The following SUGCT variants were observed in gnomAD, a reference collection of about 807,000 sequenced individuals.
SUGCT encodes succinyl-CoA:glutarate-CoA transferase, also known as succinyl-CoA:glutarate CoA-transferase.
In SUGCT, 41 loss-of-function variants were observed where a neutral mutation model predicts 55.0. That is an observed-to-expected ratio of 0.74 (90% confidence interval 0.58 to 0.97). The LOEUF is 0.97. SUGCT is among the 50% of genes least tolerant of loss of function. The probability of loss-of-function intolerance (pLI) is 0.00; values close to 1 mark genes in which losing one functional copy is unlikely to be tolerated. For synonymous variants in SUGCT, 187 were observed against 200.4 expected (o/e 0.93, Z 0.56); for missense variants, 568 against 547.8 (o/e 1.04, Z -0.37).
intron 11 of SUGCT, among the ~76,000 whole-genome samples, chr7:40,489,400 G>A (rs1327515100): frequency 6.6e-6 from 1 of 152,010 alleles, no homozygotes; most frequent in Non-Finnish European, 1.5e-5. Flanking sequence ...GCTATTTTGG[G>A]CCAGGCGTGG....
intron 9 of SUGCT, among the ~76,000 whole-genome samples, chr7:40,334,665 T>G (rs1448948404): frequency 6.6e-6 from 1 of 152,238 alleles, no homozygotes; most frequent in South Asian, 2.1e-4. Flanking sequence ...CTTTGTCAGA[T>G]GAGTAGATTG....
intron 11 of SUGCT, 66 bp from the exon 12 acceptor site, chr7:40,496,218 C>T (rs924834391): frequency 2.0e-6 from 2 of 984,586 alleles, no homozygotes; most frequent in Admixed American, 4.1e-5. Flanking sequence ...AAGAGGGCCA[C>T]ATGATAGAAG....
chr7:40,825,272 T>TA (rs1361448122), intron 13 of SUGCT, among the ~76,000 whole-genome samples: 4 of 152,136 alleles, frequency 2.6e-5, no homozygotes, highest in Non-Finnish European at 5.9e-5. Context: ...TTGATGAACA[T>TA]ATGGCATTGT....
intron 12 of SUGCT, among the ~76,000 whole-genome samples, chr7:40,523,930 G>A (rs2151580422): frequency 6.6e-6 from 1 of 151,982 alleles, no homozygotes; most frequent in East Asian, 1.9e-4. Flanking sequence ...TGATTTCATG[G>A]ATCTATTATA....
intron 9 of SUGCT, among the ~76,000 whole-genome samples, chr7:40,419,885 G>A (rs1787214453): frequency 6.6e-6 from 1 of 152,222 alleles, no homozygotes; most frequent in South Asian, 2.1e-4. Flanking sequence ...TAAGCAGCTT[G>A]CATGTATTGT....
chr7:40,187,120 T>C (rs1013712489), intron 3 of SUGCT, among the ~76,000 whole-genome samples: 5 of 152,014 alleles, frequency 3.3e-5, no homozygotes, highest in African/African-American at 1.2e-4. Context: ...AAATGATGAG[T>C]TCATGTCCTT....
chr7:40,966,869 G>A, the SUGCT span: 1 of 152,314 alleles, frequency 6.6e-6, no homozygotes, highest in Middle Eastern at 3.4e-3. Flanking sequence ...TGAAAGAGCT[G>A]AAAGAAACAG....
intron 1 of SUGCT, among the ~76,000 whole-genome samples, chr7:40,138,684 T>G (rs1363331152): frequency 6.6e-6 from 1 of 152,118 alleles, no homozygotes; most frequent in Admixed American, 6.6e-5. Context: ...GTCTTTTTAA[T>G]AGCCATTCTG....
rs573034478 is a variant in SUGCT, at chr7:40,601,381, A to T, written c.1089+104995A>T. On this transcript the variant is annotated intron_variant, in intron 12 of 13. Coordinates refer to ENST00000335693, the MANE Select transcript of SUGCT (RefSeq NM_001193313.2). ...GTTCCCCTGTGGACTGTAACCGTCA[A>T]GAACACATGTCCTTGCCACAAATCT... Among the ~76,000 whole-genome samples the T allele has an allele frequency of 2.2e-4, 33 of 152,358 alleles. No homozygotes were observed. In the South Asian group the frequency reaches 2.9e-3, roughly 13 times the overall value.
chr7:41,002,955 G>T, the SUGCT span, among the ~76,000 whole-genome samples: 3,862 of 152,034 alleles, frequency 0.025, 160 homozygotes, highest in South Asian at 0.18. Flanking sequence ...ACAGTGCCCT[G>T]CCCATAGGAG....
the SUGCT span, among the ~76,000 whole-genome samples, chr7:40,933,244 GA>G: frequency 6.6e-6 from 1 of 152,062 alleles, no homozygotes; most frequent in Non-Finnish European, 1.5e-5. Flanking sequence ...TTTTCTTTAA[GA>G]TATTGAATAT....
At chr7:40,892,736 G>T in the SUGCT span, among the ~76,000 whole-genome samples, 1 of 152,040 alleles carries the variant, frequency 6.6e-6, no homozygotes, top group Non-Finnish European at 1.5e-5. Flanking sequence ...TAGGGTCTTG[G>T]TGTGTTGCCC....
At chr7:40,915,914 G>A in the SUGCT span, among the ~76,000 whole-genome samples, 14 of 152,158 alleles carry the variant, frequency 9.2e-5, no homozygotes, top group Admixed American at 7.9e-4. Flanking sequence ...GGCATGTTGG[G>A]TACCTTGTGA....
the SUGCT span, among the ~76,000 whole-genome samples, chr7:40,972,931 C>T: frequency 9.9e-5 from 15 of 152,168 alleles, no homozygotes; most frequent in Admixed American, 2.0e-4. Flanking sequence ...TGCTTTCTCA[C>T]GTATAACTAT....
chr7:40,817,808 T>C (rs887360220), intron 13 of SUGCT, among the ~76,000 whole-genome samples: 36 of 151,974 alleles, frequency 2.4e-4, no homozygotes, highest in African/African-American at 8.0e-4. Context: ...AGAGAAGAAA[T>C]AGCTTCATTA....
chr7:40,685,764 C>T (rs527276314), intron 12 of SUGCT, among the ~76,000 whole-genome samples: 12 of 152,172 alleles, frequency 7.9e-5, no homozygotes, highest in East Asian at 1.9e-4. Flanking sequence ...TTAGGCCGCA[C>T]GCATGGCGCA....
chr7:40,945,524 T>C, the SUGCT span, among the ~76,000 whole-genome samples: 1 of 152,244 alleles, frequency 6.6e-6, no homozygotes, highest in South Asian at 2.1e-4. Context: ...ATGTCTGCAA[T>C]GGTGGGTGAG....
chr7:40,389,356 G>C (rs1016725452), intron 9 of SUGCT, among the ~76,000 whole-genome samples: 1 of 152,084 alleles, frequency 6.6e-6, no homozygotes, highest in African/African-American at 2.4e-5. Context: ...GGAGGCTGAG[G>C]TGGGAGAATC....
chr7:40,358,734 A>G (rs965253512), intron 9 of SUGCT, among the ~76,000 whole-genome samples: 2 of 151,666 alleles, frequency 1.3e-5, no homozygotes, highest in Admixed American at 6.6e-5. Context: ...AACAACAATA[A>G]CAACAACAAC....
Sources: allele counts gnomAD v4.1 joint callset (sites outside exome capture counted in the v4.1 genomes callset), GRCh38; gene constraint gnomAD v4.1.1; transcripts MANE v1.5; gene names NCBI Gene and HGNC (gene_info 2026-07-23, HGNC 2026-07-21).